Variants in PIEZO2 observed in about 807,000 individuals in gnomAD.
PIEZO2 encodes the protein piezo-type mechanosensitive ion channel component 2.
In PIEZO2, 172 loss-of-function variants were observed where a neutral mutation model predicts 337.3. That is an observed-to-expected ratio of 0.51 (90% CI 0.45 to 0.58). PIEZO2 has a LOEUF of 0.58. Among genes scored for constraint, PIEZO2 ranks in the 20% least tolerant of loss-of-function variants. PIEZO2 has a pLI of 0.00. For missense variants in PIEZO2, 3,028 were observed against 3,391.3 expected, an observed-to-expected ratio of 0.89 and a Z score of 2.66; for synonymous variants, 1,251 against 1,228.5, an observed-to-expected ratio of 1.02 and a Z score of -0.38.
At chr18:11,045,666 C>T (rs2037286981) in intron 2 of PIEZO2, among the ~76,000 whole-genome samples, 1 of 152,180 alleles carries the variant, frequency 6.6e-6, no homozygotes, top group Non-Finnish European at 1.5e-5. Flanking sequence ...GCAGTCTGTG[C>T]ATGCCCAAGA....
At chr18:11,014,471 T>C (rs5017532) in intron 2 of PIEZO2, among the ~76,000 whole-genome samples, 2,860 of 92,264 alleles carry the variant, frequency 0.031, no homozygotes, top group Middle Eastern at 0.089. Flanking sequence ...TCACCCTGGG[T>C]GGGACAGCGA....
intron 7 of PIEZO2, among the ~76,000 whole-genome samples, chr18:10,841,651 A>G (rs1418956074): frequency 6.6e-6 from 1 of 152,216 alleles, no homozygotes; most frequent in Non-Finnish European, 1.5e-5. Flanking sequence ...TAAAAGCTGA[A>G]TGGGGGGCTT....
chr18:10,840,969 AG>A (rs2041172055), intron 7 of PIEZO2, among the ~76,000 whole-genome samples: 1 of 152,244 alleles, frequency 6.6e-6, no homozygotes, highest in Non-Finnish European at 1.5e-5. Context: ...AGCCATATGC[AG>A]TTCCTGATAA....
At chr18:10,976,461 T>A (rs1279964807) in intron 3 of PIEZO2, among the ~76,000 whole-genome samples, 1 of 152,202 alleles carries the variant, frequency 6.6e-6, no homozygotes, top group Non-Finnish European at 1.5e-5. Context: ...ACATATCCCT[T>A]CTCTATTGGT....
intron 7 of PIEZO2, among the ~76,000 whole-genome samples, chr18:10,809,421 C>A (rs2040113508): frequency 6.6e-6 from 1 of 151,860 alleles, no homozygotes; most frequent in South Asian, 2.1e-4. Context: ...CAGGTGCGCA[C>A]CACCATGCCA....
intron 3 of PIEZO2, among the ~76,000 whole-genome samples, chr18:10,927,457 G>A (rs1216406122): frequency 1.3e-5 from 2 of 152,182 alleles, no homozygotes; most frequent in Admixed American, 6.5e-5. Context: ...AGGAGCTGAT[G>A]TAACAGTTCT....
At chr18:10,752,977 G>C (rs977615765) in intron 27 of PIEZO2, 98 bp from the exon 28 acceptor site, 1 of 1,367,442 alleles carries the variant, frequency 7.3e-7, no homozygotes, top group Non-Finnish European at 9.7e-7. Context: ...CATGCTCTCT[G>C]CTGCACCTTG....
intron 2 of PIEZO2, among the ~76,000 whole-genome samples, chr18:11,017,291 G>A (rs2036148480): frequency 6.6e-6 from 1 of 152,156 alleles, no homozygotes; most frequent in South Asian, 2.1e-4. Context: ...TAATGGTAAT[G>A]TAGAAAACTT....
chr18:10,720,739 C>T (rs950181429), intron 36 of PIEZO2, among the ~76,000 whole-genome samples: 1 of 152,044 alleles, frequency 6.6e-6, no homozygotes. Flanking sequence ...GCCACAGCTC[C>T]TGGCTCAGTT....
intron 3 of PIEZO2, among the ~76,000 whole-genome samples, chr18:10,925,165 T>C (rs1195652138): frequency 6.6e-6 from 1 of 152,238 alleles, no homozygotes; most frequent in East Asian, 1.9e-4. Context: ...TATTGTTAAA[T>C]GTATGTAGAA....
chr18:10,944,517 GATATATATAT>G (rs368272727), intron 3 of PIEZO2, among the ~76,000 whole-genome samples: 4 of 49,854 alleles, frequency 8.0e-5, no homozygotes, highest in African/African-American at 2.0e-4. Context: ...CTTAGTAACA[GATATATATAT>G]ATATATATAT....
intron 3 of PIEZO2, among the ~76,000 whole-genome samples, chr18:10,922,187 C>A (rs575981997): frequency 1.3e-5 from 2 of 152,082 alleles, no homozygotes; most frequent in African/African-American, 4.8e-5. Context: ...GCTGGTTTTG[C>A]GGCTTGTGGG....
intron 1 of PIEZO2, among the ~76,000 whole-genome samples, chr18:11,100,961 A>T (rs2039404249): frequency 6.6e-6 from 1 of 152,220 alleles, no homozygotes; most frequent in Non-Finnish European, 1.5e-5. Context: ...GAAGAAGGGC[A>T]AAGAAGACCA....
rs55648533 is a variant in PIEZO2 at position 10,765,411 on chromosome 18, G to T, written c.2947-2313C>A. Among the ~76,000 whole-genome samples the T allele has an allele frequency of 6.8e-3, 1,042 of 152,290 alleles. 4 individuals are homozygous for T. Among genetic ancestry groups the T allele is most frequent in the Non-Finnish European group, 8.6e-3 (586 of 68,018 alleles). ...GAAGTGGTGTGGGCTGGATCCCGGGGGTCTTATACCACGTTACGGTGAGGA... is the reference window on the plus strand; with the variant it reads ...GAAGTGGTGTGGGCTGGATCCCGGGTGTCTTATACCACGTTACGGTGAGGA... On this transcript the variant is annotated intron_variant, in intron 21 of 55. Transcript: ENST00000674853.
intron 11 of PIEZO2, among the ~76,000 whole-genome samples, chr18:10,799,784 G>C (rs911662912): frequency 6.6e-6 from 1 of 152,080 alleles, no homozygotes; most frequent in Non-Finnish European, 1.5e-5. Flanking sequence ...ACCAGTCTGG[G>C]CAAAACAGTG....
intron 27 of PIEZO2, among the ~76,000 whole-genome samples, chr18:10,756,210 G>C (rs2037838399): frequency 6.6e-6 from 1 of 151,110 alleles, no homozygotes. Flanking sequence ...GGATAAGGAG[G>C]AGGGATGGGA....
In PIEZO2 at chr18:10,726,612, C is replaced by A. The variant is rs1242672528; in HGVS notation, c.5029+4795G>T. The A allele has an allele frequency of 2.8e-6, 2 of 705,482 alleles. No homozygotes were observed. The highest frequency in any genetic ancestry group is 3.5e-6 in the Non-Finnish European group (2 of 564,728). The allele number at this position is 705,482 out of a possible 1,614,324, so 43.7% of individuals were successfully genotyped here. On this transcript the variant is annotated intron_variant, in intron 36 of 55. Transcript: ENST00000674853. This position sits in a 1 kb window ranked among gnomAD's most constrained non-coding sequence, Gnocchi z 5.9. Reference sequence around the variant, plus strand: ...AGGACCTGGCGCGCTACGTGCGGGACGCCGACGTGCGCTGGGAGTACTGCG... The same window carrying A: ...AGGACCTGGCGCGCTACGTGCGGGAAGCCGACGTGCGCTGGGAGTACTGCG...
chr18:11,142,155 A>G (rs2040670185), intron 1 of PIEZO2, among the ~76,000 whole-genome samples: 1 of 152,256 alleles, frequency 6.6e-6, no homozygotes, highest in Non-Finnish European at 1.5e-5. Flanking sequence ...TTATATGTAT[A>G]TGCTGCAGGT....
intron 33 of PIEZO2, 117 bp downstream of exon 33, chr18:10,740,914 T>A: frequency 9.2e-7 from 1 of 1,089,264 alleles, no homozygotes; most frequent in East Asian, 2.6e-5. Flanking sequence ...CGACCCCCTA[T>A]CAAGTCACAA....
Sources: allele counts gnomAD v4.1 joint callset (sites outside exome capture counted in the v4.1 genomes callset), GRCh38; gene constraint gnomAD v4.1.1; non-coding constraint Gnocchi (gnomAD v3.1); transcripts MANE v1.5; gene names NCBI Gene and HGNC (gene_info 2026-07-23, HGNC 2026-07-21).